CENPF: variants seen among roughly 807,000 people sequenced by gnomAD.
CENPF encodes the protein centromere protein F.
In CENPF, 214 loss-of-function variants were observed where a neutral mutation model predicts 307.3. That is an observed-to-expected ratio of 0.70 (90% CI 0.62 to 0.78). The LOEUF is 0.78. CENPF is among the 30% of genes least tolerant of loss of function. The pLI is 0.00. For missense variants in CENPF, 3,401 were observed against 3,483.9 expected, an observed-to-expected ratio of 0.98 and a Z score of 0.60; for synonymous variants, 1,259 against 1,270.6, an observed-to-expected ratio of 0.99 and a Z score of 0.19.
At chr1:214,626,979 AGT>A (rs1657672199) in intron 7 of CENPF, among the ~76,000 whole-genome samples, 1 of 152,210 alleles carries the variant, frequency 6.6e-6, no homozygotes, top group African/African-American at 2.4e-5. Context: ...CATATAATGA[AGT>A]TTCTTCACAT....
Position 214,647,010 on chromosome 1 carries a change from T to C in CENPF, c.7440T>C (p.Leu2480=). The change falls in exon 13 of 20, where the codon CTT becomes CTC. Residue 2480 remains leucine, a synonymous_variant. Transcript: ENST00000366955. The part of the protein sequence containing the change: ...NLSSQVECLE[L]EKAQLLQGLD... ...GTAGTCAAGTAGAGTGTCTTGAACT[T>C]GAGAAGGCTCAGTTGCTACAAGGCC... The C allele has an allele frequency of 1.2e-6, 2 of 1,614,008 alleles. No individual in the cohort carries two copies. The highest frequency in any genetic ancestry group is 1.7e-6 in the Non-Finnish European group (2 of 1,179,974).
At chr1:214,661,885 T>TC (rs746279845) in intron 19 of CENPF, among the ~76,000 whole-genome samples, 2 of 150,922 alleles carry the variant, frequency 1.3e-5, no homozygotes, top group African/African-American at 4.9e-5. Context: ...TTTTTTTTTT[T>TC]CCCTCCCCTG....
rs1658339474 is a variant in CENPF, at chr1:214,647,303, C to G, written c.7733C>G (p.Ser2578Cys). The change falls in exon 13 of 20, where the codon TCT (serine) becomes TGT (cysteine). Residue 2578 changes from serine to cysteine, a missense_variant. Ser to Cys is a moderately radical substitution (Grantham distance 112). Coordinates refer to ENST00000366955, the MANE Select transcript of CENPF (RefSeq NM_016343.4). ...CAAGTGCTACAATCCAAAAATGCCT[C>G]TTTGCAGGACACATTAGAAGTGCTG... The part of the protein sequence containing the change: ...KIQVLQSKNA[S>C]LQDTLEVLQS... 1 of 1,614,030 alleles carries G rather than the reference C, an allele frequency of 6.2e-7. No individual in the cohort carries two copies.
At chr1:214,649,909 C>T (rs1052113287) in intron 14 of CENPF, among the ~76,000 whole-genome samples, 7 of 152,206 alleles carry the variant, frequency 4.6e-5, no homozygotes, top group Non-Finnish European at 7.3e-5. Context: ...ATAATAAGTG[C>T]TAGTAAGGTC....
At chr1:214,625,417 C>T (rs1220579971) in intron 7 of CENPF, among the ~76,000 whole-genome samples, 1 of 152,086 alleles carries the variant, frequency 6.6e-6, no homozygotes, top group Non-Finnish European at 1.5e-5. Context: ...GACGGGGTTT[C>T]ACCATGTTGG....
rs1022370602 is a variant in CENPF at position 214,605,898 on chromosome 1, T to C, written c.-42+2577T>C. On this transcript the variant is annotated intron_variant, in intron 1 of 19. Coordinates refer to ENST00000366955, the MANE Select transcript of CENPF (RefSeq NM_016343.4). ...GACGTGATCTTGGACACCTTCTCGATGTTAGGGAAGGCGTCGAAGCAGTAG... is the reference window on the plus strand; with the variant it reads ...GACGTGATCTTGGACACCTTCTCGACGTTAGGGAAGGCGTCGAAGCAGTAG... 6 of 1,597,128 alleles carry C rather than the reference T, an allele frequency of 3.8e-6. No homozygotes were observed. The African/African-American group carries it at 6.7e-5, about 18-fold the overall frequency.
intron 9 of CENPF, among the ~76,000 whole-genome samples, chr1:214,631,493 G>C (rs989382355): frequency 6.6e-6 from 1 of 152,076 alleles, no homozygotes; most frequent in Admixed American, 6.6e-5. Context: ...TTGTTTGTTT[G>C]TTTGTTTGTT....
chr1:214,655,553 A>G, intron 17 of CENPF, 150 bp downstream of exon 17: 1 of 681,262 alleles, frequency 1.5e-6, no homozygotes. Flanking sequence ...CAATTTCTGA[A>G]TTTTGTGCTT....
Position 214,659,028 on chromosome 1 carries a change from G to A in CENPF, c.9141G>A (p.Lys3047=). ...KPTAGGSRSQ[K]VKVAQRSPVD... Reference sequence around the variant, plus strand: ...CAGCTGGTGGCAGCAGATCACAAAAGGTAAACTACTGTCAACATCCGTCTA... The same window carrying A: ...CAGCTGGTGGCAGCAGATCACAAAAAGTAAACTACTGTCAACATCCGTCTA... The change falls in exon 19 of 20, where the codon AAG becomes AAA. Residue 3047 remains lysine (K), a splice_region_variant and synonymous_variant. Coordinates refer to ENST00000366955, the MANE Select transcript of CENPF (RefSeq NM_016343.4). This position sits in a 1 kb window ranked among gnomAD's most constrained non-coding sequence, Gnocchi z 4.4. 6.2e-7 allele frequency: 1 copy of A among 1,613,888 alleles called. No individual in the cohort carries two copies. Among genetic ancestry groups the A allele is most frequent in the Non-Finnish European group, 8.5e-7 (1 of 1,179,922 alleles).
rs1266135047 is a variant in CENPF at position 214,664,221 on chromosome 1, G to T, written c.*427G>T. On this transcript the variant is annotated 3_prime_UTR_variant, in exon 20 of 20. Transcript: ENST00000366955. ...TATCTGTAGTATGAGGCATGGAATAGTTTTGTATCGGGAATTTCTCAGAGC... is the reference window on the plus strand; with the variant it reads ...TATCTGTAGTATGAGGCATGGAATATTTTTGTATCGGGAATTTCTCAGAGC... 6.4e-6 allele frequency: 1 copy of T among 156,170 alleles called. No homozygotes were observed. The highest frequency in any genetic ancestry group is 1.4e-5 in the Non-Finnish European group (1 of 70,632). The allele number at this position is 156,170 out of a possible 1,614,324, so 9.7% of individuals were successfully genotyped here.
At chr1:214,655,731 TAGAC>T (rs749414808) in intron 17 of CENPF, among the ~76,000 whole-genome samples, 3 of 152,004 alleles carry the variant, frequency 2.0e-5, no homozygotes, top group Non-Finnish European at 4.4e-5. Flanking sequence ...GCTGGAACAA[TAGAC>T]AGGTGCCACC....
Position 214,642,951 on chromosome 1 carries a change from G to C in CENPF, c.4613G>C (p.Arg1538Thr), listed in dbSNP as rs1304172453. 1.2e-6 allele frequency: 2 copies of C among 1,613,590 alleles called. No homozygotes were observed. The highest frequency in any genetic ancestry group is 4.5e-5 in the East Asian group (2 of 44,868). ...CSSLQEENLT[R>T]KETPSAPAKG... ...AGTCTGCAGGAGGAGAATCTGACCAGGAAAGAAACCCCTTCGGCCCCAGCG... is the reference window on the plus strand; with the variant it reads ...AGTCTGCAGGAGGAGAATCTGACCACGAAAGAAACCCCTTCGGCCCCAGCG... The change falls in exon 12 of 20, where the codon AGG becomes ACG. Residue 1538 changes from arginine to threonine, a missense_variant. Coordinates refer to ENST00000366955, the MANE Select transcript of CENPF (RefSeq NM_016343.4).
intron 3 of CENPF, among the ~76,000 whole-genome samples, chr1:214,616,616 T>A (rs1657344363): frequency 6.6e-6 from 1 of 152,146 alleles, no homozygotes; most frequent in African/African-American, 2.4e-5. Flanking sequence ...AAATATTAAT[T>A]TTACTTATTT....
At chr1:214,649,693 G>T (rs894237966) in intron 14 of CENPF, among the ~76,000 whole-genome samples, 1 of 152,188 alleles carries the variant, frequency 6.6e-6, no homozygotes, top group South Asian at 2.1e-4. Context: ...TGGCCATACT[G>T]CATGGAAGGA....
chr1:214,624,556 A>G lies in CENPF; in HGVS notation c.1068+2275A>G, dbSNP rs373999694. 5.3e-5 allele frequency among the ~76,000 whole-genome samples: 8 copies of G among 152,106 alleles called. No homozygotes were observed. In the East Asian group the frequency reaches 7.7e-4, roughly 15 times the overall value. ...TTATGTATATAGAGTTATTCACTGC[A>G]TTCTCTTATTCTTTTGATATTTGTA... On this transcript the variant is annotated intron_variant, in intron 7 of 19. Transcript: ENST00000366955.
intron 13 of CENPF, among the ~76,000 whole-genome samples, chr1:214,647,805 C>G (rs1658354280): frequency 1.3e-5 from 2 of 152,124 alleles, no homozygotes; most frequent in Admixed American, 1.3e-4. Flanking sequence ...AAGGATCTGC[C>G]TGCCTTACTG....
chr1:214,629,258 A>G, intron 8 of CENPF, 87 bp downstream of exon 8: 4 of 1,319,572 alleles, frequency 3.0e-6, no homozygotes, highest in Non-Finnish European at 4.0e-6. Context: ...GGGAGTTGTT[A>G]TCACAATTTG....
intron 4 of CENPF, 69 bp from the exon 5 acceptor site, chr1:214,619,057 CGTT>C (rs1657434832): frequency 1.3e-6 from 1 of 777,606 alleles, no homozygotes; most frequent in Non-Finnish European, 2.1e-6. Flanking sequence ...CTATCAAAAT[CGTT>C]GTTGATCTGT....
intron 1 of CENPF, among the ~76,000 whole-genome samples, chr1:214,609,568 T>C (rs1180298064): frequency 6.6e-6 from 1 of 152,228 alleles, no homozygotes; most frequent in Non-Finnish European, 1.5e-5. Context: ...GAAAACCTTA[T>C]GGCAAAATAT....
Sources: gnomAD v4.1 joint callset for allele counts (sites outside exome capture counted in the v4.1 genomes callset) on GRCh38, gnomAD v4.1.1 for gene constraint, Gnocchi (gnomAD v3.1) non-coding constraint, MANE v1.5 for transcripts, NCBI Gene and HGNC (gene_info 2026-07-23, HGNC 2026-07-21) for gene names.